ABCA13: variants seen among roughly 807,000 people sequenced by gnomAD.
The protein encoded by ABCA13 is ATP-binding cassette sub-family A member 13.
A neutral mutation model predicts 478.7 loss-of-function variants in ABCA13; 476 were observed. That is an observed-to-expected ratio of 0.99 (90% CI 0.92 to 1.07). ABCA13 has a LOEUF of 1.07. ABCA13 is among the 50% of genes least tolerant of loss of function. The pLI, the probability that ABCA13 is intolerant of heterozygous loss-of-function variation, is 0.00. For missense variants in ABCA13, 6,060 were observed against 5,910.6 expected (o/e 1.03, Z -0.83); for synonymous variants, 2,252 against 2,158.9 (o/e 1.04, Z -1.20).
chr7:48,393,846 C>G (rs1373917662), intron 38 of ABCA13, among the ~76,000 whole-genome samples: 1 of 152,232 alleles, frequency 6.6e-6, no homozygotes, highest in Admixed American at 6.5e-5. Flanking sequence ...GGTGCCATTG[C>G]TTGCTTCTCC....
At chr7:48,543,748 C>G (rs1052078160) in intron 55 of ABCA13, among the ~76,000 whole-genome samples, 1 of 151,594 alleles carries the variant, frequency 6.6e-6, no homozygotes, top group African/African-American at 2.4e-5. Flanking sequence ...AAATGCAAAA[C>G]AAACAACAGA....
At chr7:48,523,154 A>G (rs1360413038) in intron 53 of ABCA13, among the ~76,000 whole-genome samples, 1 of 152,094 alleles carries the variant, frequency 6.6e-6, no homozygotes, top group Non-Finnish European at 1.5e-5. Context: ...CCTTATTTTT[A>G]TTTTTATTGA....
chr7:48,519,245 A>G (rs1036568542), intron 52 of ABCA13, among the ~76,000 whole-genome samples: 19 of 152,130 alleles, frequency 1.2e-4, no homozygotes, highest in African/African-American at 4.3e-4. Context: ...GCTATTGTGA[A>G]TAGTGCTGCA....
intron 23 of ABCA13, among the ~76,000 whole-genome samples, chr7:48,299,477 T>C (rs1799846024): frequency 1.3e-5 from 2 of 152,222 alleles, no homozygotes; most frequent in Admixed American, 6.5e-5. Flanking sequence ...TTATTAAACA[T>C]GCAAGAGCCA....
chr7:48,463,492 A>G (rs1056975416), intron 43 of ABCA13, among the ~76,000 whole-genome samples: 1 of 152,012 alleles, frequency 6.6e-6, no homozygotes. Context: ...GGAGATTTGC[A>G]GGTCTCTGAG....
chr7:48,481,147 A>G lies in ABCA13; in HGVS notation c.13087A>G (p.Lys4363Glu). 1 of 1,579,206 alleles carries G rather than the reference A, an allele frequency of 6.3e-7. No individual in the cohort carries two copies. The highest frequency in any genetic ancestry group is 1.7e-4 in the Middle Eastern group (1 of 6,034). The change falls in exon 46 of 62, where the codon AAA (lysine) becomes GAA (glutamate). Residue 4363 changes from lysine to glutamate, a missense_variant. By Grantham distance (56) the Lys-to-Glu change is moderately conservative. Coordinates refer to ENST00000435803, the MANE Select transcript of ABCA13 (RefSeq NM_152701.5). ...MEEYLLAPSE[K>E]PRLGGWSFGL... ...GGAGTACTTGCTGGCACCATCTGAA[A>G]AACCAAGGTGTGTTCAATACTCTTG...
intron 55 of ABCA13, among the ~76,000 whole-genome samples, chr7:48,545,227 C>T (rs1784720388): frequency 6.6e-6 from 1 of 151,734 alleles, no homozygotes; most frequent in South Asian, 2.1e-4. Context: ...AAGCTAGGAT[C>T]GTTGAAAGGC....
chr7:48,571,412 T>TA, intron 55 of ABCA13, among the ~76,000 whole-genome samples: 1 of 152,308 alleles, frequency 6.6e-6, no homozygotes, highest in South Asian at 2.1e-4. Context: ...GTGAATATCT[T>TA]AATCTCTCAT....
At chr7:48,609,971 A>T (rs2131536866) in intron 58 of ABCA13, among the ~76,000 whole-genome samples, 1 of 152,280 alleles carries the variant, frequency 6.6e-6, no homozygotes, top group African/African-American at 2.4e-5. Flanking sequence ...AAATCATATT[A>T]TTTCATAACT....
In ABCA13 at chr7:48,399,899, T is replaced by A. The variant is rs145779155; in HGVS notation, c.11874-3784T>A. On this transcript the variant is annotated intron_variant, in intron 38 of 61. Coordinates refer to ENST00000435803, the MANE Select transcript of ABCA13 (RefSeq NM_152701.5). ...AACAGCAGTTATAGAACAGGATTTA[T>A]GATGGGTATGTGTTCTGGCTCAAGC... Among the ~76,000 whole-genome samples the A allele has an allele frequency of 2.0e-5, 3 of 152,320 alleles. No individual in the cohort carries two copies. The East Asian group carries it at 5.8e-4, about 29-fold the overall frequency.
intron 39 of ABCA13, among the ~76,000 whole-genome samples, chr7:48,407,564 A>C (rs1170486940): frequency 6.6e-6 from 1 of 151,908 alleles, no homozygotes; most frequent in Non-Finnish European, 1.5e-5. Context: ...GAGTATAACA[A>C]CTTTTTTTTT....
At chr7:48,281,833 G>A (rs1026728100) in intron 19 of ABCA13, among the ~76,000 whole-genome samples, 2 of 152,122 alleles carry the variant, frequency 1.3e-5, no homozygotes, top group African/African-American at 4.8e-5. Flanking sequence ...CTTTGATCAC[G>A]TGCAGTATCG....
chr7:48,288,876 G>C (rs181044705), intron 20 of ABCA13, among the ~76,000 whole-genome samples: 88 of 152,228 alleles, frequency 5.8e-4, no homozygotes, highest in Admixed American at 3.5e-3. Context: ...TAGAATTAAA[G>C]ACCCCTGGGC....
In ABCA13 at chr7:48,276,395, C is replaced by T. The variant is rs778956440; in HGVS notation, c.6729C>T (p.Asn2243=). ...QIMNFINLIL[N]HMQSETSRKT... ...TGAATTTCATTAACCTTATCTTGAA[C>T]CATATGCAGTCAGAAACTAGTAGGA... is the stretch of plus-strand genomic sequence containing the variant. The change falls in exon 17 of 62, where the codon AAC becomes AAT. Residue 2243 remains asparagine, a synonymous_variant. Transcript: ENST00000435803. 3.9e-6 allele frequency: 6 copies of T among 1,557,394 alleles called. No homozygotes were observed. In the African/African-American group the frequency reaches 8.2e-5, roughly 21 times the overall value.
At chr7:48,355,341 C>A (rs74447606) in intron 31 of ABCA13, among the ~76,000 whole-genome samples, 2,445 of 151,874 alleles carry the variant, frequency 0.016, 104 homozygotes, top group African/African-American at 0.057. Context: ...CATGCAAAGG[C>A]CCTGTGGTAG....
intron 19 of ABCA13, among the ~76,000 whole-genome samples, chr7:48,282,551 G>A (rs1797192247): frequency 6.6e-6 from 1 of 151,962 alleles, no homozygotes; most frequent in African/African-American, 2.4e-5. Context: ...AAAGAAAAAA[G>A]TGAGGGGTCA....
Position 48,367,844 on chromosome 7 carries a change from G to C in ABCA13, c.10739G>C (p.Trp3580Ser). The C allele has an allele frequency of 1.3e-6, 2 of 1,581,378 alleles. No individual in the cohort carries two copies. The highest frequency in any genetic ancestry group is 1.7e-6 in the Non-Finnish European group (2 of 1,162,596). The change falls in exon 32 of 62, where the codon TGG becomes TCG. Residue 3580 changes from tryptophan to serine, a missense_variant. Physicochemically the swap from Trp to Ser is radical, Grantham distance 177 (BLOSUM62 -3). Around this residue, in one of 3 missense-constraint regions of ABCA13, gnomAD observed 4,423 missense variants for 4,309.1 expected, o/e 1.03. Transcript: ENST00000435803. ...TTTCCACTGATAATGATGCTGACGT[G>C]GATGGTGTCTGTGGCCAGCATGGTC... is the stretch of plus-strand genomic sequence containing the variant. ...FFFPLIMMLTWMVSVASMVRK... is the reference protein window; with the variant it reads ...FFFPLIMMLTSMVSVASMVRK...
chr7:48,565,332 G>C (rs1786937953), intron 55 of ABCA13, among the ~76,000 whole-genome samples: 1 of 149,314 alleles, frequency 6.7e-6, no homozygotes, highest in Non-Finnish European at 1.5e-5. Context: ...GTTTTGAAAA[G>C]ATGTAACTTA....
At chr7:48,395,332 T>C (rs1457437978) in intron 38 of ABCA13, among the ~76,000 whole-genome samples, 1 of 151,906 alleles carries the variant, frequency 6.6e-6, no homozygotes, top group African/African-American at 2.4e-5. Context: ...AGAGGTCCAG[T>C]AGGGTGAGGA....
Sources: gnomAD v4.1 joint callset for allele counts (sites outside exome capture counted in the v4.1 genomes callset) on GRCh38, gnomAD v4.1.1 for gene constraint, gnomAD v4.1.1 regional missense constraint, MANE v1.5 for transcripts, NCBI Gene and HGNC (gene_info 2026-07-23, HGNC 2026-07-21) for gene names.